MOXD1: variants seen among roughly 807,000 people sequenced by gnomAD.
MOXD1 encodes monooxygenase DBH like 1, also known as DBH-like monooxygenase protein 1.
Under a neutral mutation model 66.6 loss-of-function variants are expected in MOXD1, and 62 were observed. The observed-to-expected ratio is 0.93, with a 90% CI of 0.76 to 1.15. The LOEUF is 1.15. Ranked by LOEUF, MOXD1 falls within the 50% of genes most tolerant of loss-of-function variation. MOXD1 has a pLI of 0.00. For missense variants in MOXD1, 847 were observed against 754.6 expected, an observed-to-expected ratio of 1.12 and a Z score of -1.44; for synonymous variants, 303 against 281.9, an observed-to-expected ratio of 1.07 and a Z score of -0.75.
rs73779060 is a variant in MOXD1, at chr6:132,300,181, A to G, written c.1509-2226T>C. On this transcript the variant is annotated intron_variant, in intron 10 of 11. Transcript: ENST00000367963. ...TACAAAGACCTTAAAGTGAAGCCCC[A>G]TAAAGTAAGAGCAATCAGCATTGCA... Among the ~76,000 whole-genome samples the G allele has an allele frequency of 5.2e-3, 797 of 152,284 alleles. 11 individuals are homozygous for G. Among genetic ancestry groups the G allele is most frequent in the African/African-American group, 0.018 (748 of 41,566 alleles).
intron 10 of MOXD1, among the ~76,000 whole-genome samples, chr6:132,301,680 T>C (rs1425214463): frequency 1.3e-5 from 2 of 152,102 alleles, no homozygotes; most frequent in African/African-American, 2.4e-5. Context: ...TCTCCATCCA[T>C]CAAGCAAGTA....
chr6:132,303,433 C>A (rs1210675390), intron 10 of MOXD1, among the ~76,000 whole-genome samples: 5 of 151,966 alleles, frequency 3.3e-5, no homozygotes, highest in Non-Finnish European at 7.4e-5. Flanking sequence ...GTTCAAGACA[C>A]TTATATAAAA....
chr6:132,393,707 G>A (rs985029645), intron 1 of MOXD1, among the ~76,000 whole-genome samples: 1 of 152,060 alleles, frequency 6.6e-6, no homozygotes, highest in African/African-American at 2.4e-5. Flanking sequence ...TGAAAGCCCC[G>A]CCCCTGCCAG....
chr6:132,385,703 C>T (rs959786423), intron 1 of MOXD1, among the ~76,000 whole-genome samples: 5 of 151,782 alleles, frequency 3.3e-5, no homozygotes, highest in African/African-American at 1.2e-4. Flanking sequence ...AGGCTGGTCT[C>T]GAACTCTGGA....
chr6:132,378,064 C>T (rs1021614325), intron 1 of MOXD1, among the ~76,000 whole-genome samples: 8 of 152,064 alleles, frequency 5.3e-5, no homozygotes, highest in South Asian at 4.2e-4. Flanking sequence ...ACCTGGGAGG[C>T]GGAGGTTGCA....
intron 1 of MOXD1, among the ~76,000 whole-genome samples, chr6:132,393,100 GAGGAC>G (rs1041435647): frequency 6.6e-6 from 1 of 152,088 alleles, no homozygotes; most frequent in African/African-American, 2.4e-5. Context: ...TATAGAATAG[GAGGAC>G]AGTTGAAAAA....
chr6:132,328,357 T>C (rs1688798099), intron 5 of MOXD1, 58 bp downstream of exon 5: 3 of 1,578,508 alleles, frequency 1.9e-6, no homozygotes, highest in Admixed American at 1.7e-5. Flanking sequence ...AGAATCATAT[T>C]TGTGGCGGGA....
intron 1 of MOXD1, chr6:132,392,141 T>G: frequency 6.6e-7 from 1 of 1,507,598 alleles, no homozygotes; most frequent in Non-Finnish European, 8.9e-7. Flanking sequence ...TGGGGTGTGC[T>G]TAAAAGAAGC....
chr6:132,372,026 G>A (rs1776271729), intron 4 of MOXD1, among the ~76,000 whole-genome samples: 2 of 152,086 alleles, frequency 1.3e-5, no homozygotes, highest in Non-Finnish European at 2.9e-5. Flanking sequence ...TTGTTCATTC[G>A]CTAAGTAGAT....
intron 4 of MOXD1, among the ~76,000 whole-genome samples, chr6:132,355,194 A>G (rs1446840488): frequency 2.6e-5 from 4 of 152,022 alleles, no homozygotes; most frequent in Admixed American, 1.3e-4. Context: ...AAATTGTTAC[A>G]AAGTTCAGCT....
Position 132,397,634 on chromosome 6 carries a change from GACAGAA to G in MOXD1, c.264+3523_264+3528del, listed in dbSNP as rs1315850800. On this transcript the variant is annotated intron_variant, in intron 1 of 11. Transcript: ENST00000367963. ...TCACAGAGAGAGAGAGAGAGAGAGA[GACAGAA>G]AGAAAGAAAGAAAGAAAGAAAGAAA... Among the ~76,000 whole-genome samples the G allele has an allele frequency of 3.2e-3, 376 of 115,716 alleles. 2 individuals carry two copies. The highest frequency in any genetic ancestry group is 0.013 in the African/African-American group (313 of 24,592). The allele number at this position is 115,716 out of a possible 152,430, so 75.9% of individuals were successfully genotyped here.
At chr6:132,324,395 C>T (rs1010543353) in intron 6 of MOXD1, among the ~76,000 whole-genome samples, 1 of 152,108 alleles carries the variant, frequency 6.6e-6, no homozygotes, top group African/African-American at 2.4e-5. Flanking sequence ...CCACAATTAT[C>T]TAACATGAAG....
At chr6:132,379,050 A>C (rs571126783) in intron 1 of MOXD1, among the ~76,000 whole-genome samples, 4 of 151,600 alleles carry the variant, frequency 2.6e-5, no homozygotes, top group African/African-American at 9.7e-5. Flanking sequence ...CTTTGTTACC[A>C]AAATTAAAGA....
chr6:132,301,206 A>T (rs1034576584), intron 10 of MOXD1, among the ~76,000 whole-genome samples: 1 of 124,086 alleles, frequency 8.1e-6, no homozygotes, highest in African/African-American at 4.2e-5. Flanking sequence ...TATTATATAT[A>T]TATATATATA....
At chr6:132,312,349 T>C (rs1171216363) in intron 10 of MOXD1, among the ~76,000 whole-genome samples, 1 of 152,160 alleles carries the variant, frequency 6.6e-6, no homozygotes. Flanking sequence ...CTTTTTAGTA[T>C]TATATGCTGA....
At chr6:132,391,747 A>AC (rs2114694022) in intron 1 of MOXD1, 1 of 153,184 alleles carries the variant, frequency 6.5e-6, no homozygotes, top group East Asian at 1.9e-4. Flanking sequence ...TCTCCTTCCA[A>AC]CACTCTAGAA....
Position 132,393,262 on chromosome 6 carries a change from A to T in MOXD1, c.264+7901T>A, listed in dbSNP as rs559246221. ...CAACAGAGAAAGGATGCATGTAGAC[A>T]GGAAGCTTCAAGATGGCTGACTAAA... On this transcript the variant is annotated intron_variant, in intron 1 of 11. Transcript: ENST00000367963. Among the ~76,000 whole-genome samples, 3 of 152,336 alleles carry T rather than the reference A, an allele frequency of 2.0e-5. No individual in the cohort carries two copies. In the East Asian group the frequency reaches 5.8e-4, roughly 29 times the overall value.
At chr6:132,317,083 A>G (rs765750183) in intron 9 of MOXD1, among the ~76,000 whole-genome samples, 1 of 152,140 alleles carries the variant, frequency 6.6e-6, no homozygotes, top group Non-Finnish European at 1.5e-5. Flanking sequence ...TACAATTGAC[A>G]GCTGACATTT....
chr6:132,353,556 A>G (rs1400272689), intron 4 of MOXD1, among the ~76,000 whole-genome samples: 2 of 152,124 alleles, frequency 1.3e-5, no homozygotes, highest in African/African-American at 4.8e-5. Context: ...GTTTTCCTTT[A>G]TAAGTTAACT....
Sources: gnomAD v4.1 joint callset for allele counts (sites outside exome capture counted in the v4.1 genomes callset) on GRCh38, gnomAD v4.1.1 for gene constraint, MANE v1.5 for transcripts, NCBI Gene and HGNC (gene_info 2026-07-23, HGNC 2026-07-21) for gene names.